The following CNIH3 variants were observed in gnomAD, a reference collection of about 807,000 sequenced individuals.
CNIH3 encodes protein cornichon homolog 3.
Under a neutral mutation model 24.1 loss-of-function variants are expected in CNIH3, and 14 were observed. The observed-to-expected ratio is 0.58, with a 90% CI of 0.38 to 0.91. The LOEUF is 0.91. Ranked by LOEUF, CNIH3 falls within the 40% of genes least tolerant of loss-of-function variation. The pLI, the probability that CNIH3 is intolerant of heterozygous loss-of-function variation, is 0.00. For synonymous variants in CNIH3, 68 were observed against 73.8 expected, an observed-to-expected ratio of 0.92 and a Z score of 0.40; for missense variants, 178 against 196.8, an observed-to-expected ratio of 0.90 and a Z score of 0.57.
chr1:224,694,783 T>C (rs906557543), intron 3 of CNIH3, among the ~76,000 whole-genome samples: 21 of 152,294 alleles, frequency 1.4e-4, no homozygotes, highest in Middle Eastern at 3.4e-3. Context: ...TAAAGGCCTT[T>C]GCGGCAACTT....
intron 1 of CNIH3, among the ~76,000 whole-genome samples, chr1:224,625,275 C>T (rs1011829240): frequency 1.8e-4 from 27 of 152,122 alleles, no homozygotes; most frequent in African/African-American, 6.3e-4. Flanking sequence ...TTTGTCCGGG[C>T]GTGGTGGCTC....
rs571615391 is a variant in CNIH3 at position 224,698,101 on chromosome 1, C to T, written c.198+13258C>T. Among the ~76,000 whole-genome samples the T allele has an allele frequency of 2.6e-5, 4 of 152,354 alleles. No homozygotes were observed. The East Asian group carries it at 7.7e-4, about 29-fold the overall frequency. ...GGTCCTCCTCCAGAACTGAGTTTCACTGGCTCTGATTTCTGAGCTGTCTGT... is the reference window on the plus strand; with the variant it reads ...GGTCCTCCTCCAGAACTGAGTTTCATTGGCTCTGATTTCTGAGCTGTCTGT... On this transcript the variant is annotated intron_variant, in intron 3 of 5. Transcript: ENST00000272133.
At chr1:224,609,351 A>G (rs1296158410) in intron 3 of CNIH3, among the ~76,000 whole-genome samples, 1 of 152,176 alleles carries the variant, frequency 6.6e-6, no homozygotes, top group African/African-American at 2.4e-5. Flanking sequence ...AAGAACCCCA[A>G]TTCTCAGGAC....
chr1:224,612,171 A>G (rs1682731435), upstream of CNIH3, among the ~76,000 whole-genome samples: 1 of 152,202 alleles, frequency 6.6e-6, no homozygotes, highest in Non-Finnish European at 1.5e-5. The surrounding 1 kb of genome is among the most constrained non-coding windows in gnomAD (Gnocchi z 4.7). Flanking sequence ...TCTCCCACTG[A>G]GCACAACTTA....
intron 3 of CNIH3, chr1:224,717,514 G>GGCTAGT (rs1211337303): frequency 6.6e-6 from 1 of 152,406 alleles, no homozygotes; most frequent in African/African-American, 2.4e-5. Context: ...TCCCAGCAAG[G>GGCTAGT]GCTAGTGTTG....
chr1:224,589,899 T>C (rs754400947), downstream of CNIH3, among the ~76,000 whole-genome samples: 1 of 152,140 alleles, frequency 6.6e-6, no homozygotes, highest in Non-Finnish European at 1.5e-5. Flanking sequence ...TTTTTTGAGA[T>C]GGAGTCTTGC....
chr1:224,633,461 T>C (rs1454977983), intron 1 of CNIH3, among the ~76,000 whole-genome samples: 1 of 152,192 alleles, frequency 6.6e-6, no homozygotes, highest in Non-Finnish European at 1.5e-5. Flanking sequence ...GCCTGGCAGT[T>C]AAGATTCTTA....
intron 2 of CNIH3, among the ~76,000 whole-genome samples, chr1:224,522,396 G>C (rs920264656): frequency 1.3e-5 from 2 of 152,188 alleles, no homozygotes; most frequent in Admixed American, 6.5e-5. Context: ...GAAGGAGCTG[G>C]AGTCTGATTT....
downstream of CNIH3, among the ~76,000 whole-genome samples, chr1:224,541,638 T>C (rs1028754358): frequency 6.6e-6 from 1 of 152,212 alleles, no homozygotes; most frequent in Non-Finnish European, 1.5e-5. Context: ...TCCCAAGCCA[T>C]GCTATTGCTT....
intron 1 of CNIH3, among the ~76,000 whole-genome samples, chr1:224,450,001 C>T (rs1219778013): frequency 6.6e-6 from 1 of 151,306 alleles, no homozygotes; most frequent in East Asian, 1.9e-4. Flanking sequence ...ACACATTATA[C>T]ACGCACACAC....
intron 3 of CNIH3, among the ~76,000 whole-genome samples, chr1:224,557,484 T>G (rs1437344068): frequency 1.4e-4 from 22 of 151,840 alleles, no homozygotes; most frequent in Admixed American, 1.4e-3. Flanking sequence ...CTTTTTATTT[T>G]AGACAGAGTC....
rs889653811 is a variant in CNIH3, at chr1:224,473,068, A to G, written n.203+38206A>G. 7.2e-5 allele frequency among the ~76,000 whole-genome samples: 11 copies of G among 152,312 alleles called. No individual in the cohort carries two copies. The East Asian group carries it at 2.1e-3, about 29-fold the overall frequency. ...TATTTCCTTTTACTGTGGATGATAG[A>G]GATAATTGAAGAAAAAGCCTTAGTT... On this transcript the variant is annotated intron_variant and non_coding_transcript_variant, in intron 1 of 5. Transcript: ENST00000471578.
intron 2 of CNIH3, among the ~76,000 whole-genome samples, chr1:224,546,474 G>A (rs948883809): frequency 3.9e-5 from 6 of 152,176 alleles, no homozygotes; most frequent in Non-Finnish European, 7.4e-5. Flanking sequence ...AGTCAACCTG[G>A]AGGGGGTAAT....
At chr1:224,523,850 G>A (rs577317060) in intron 2 of CNIH3, among the ~76,000 whole-genome samples, 16 of 152,182 alleles carry the variant, frequency 1.1e-4, no homozygotes, top group African/African-American at 3.1e-4. Flanking sequence ...CCCATTCCAG[G>A]CTGTAGTTTG....
intron 5 of CNIH3, chr1:224,586,991 T>A (rs1051937896): frequency 1.3e-5 from 2 of 151,914 alleles, no homozygotes; most frequent in African/African-American, 4.8e-5. Flanking sequence ...TTCAGAACAG[T>A]GGGAAGGAGA....
At chr1:224,667,498 G>A (rs904728373) in intron 1 of CNIH3, among the ~76,000 whole-genome samples, 4 of 152,182 alleles carry the variant, frequency 2.6e-5, no homozygotes, top group Non-Finnish European at 4.4e-5. Context: ...TTGAAAAATG[G>A]TCAGAGCATC....
intron 3 of CNIH3, among the ~76,000 whole-genome samples, chr1:224,557,713 T>C (rs2124977620): frequency 6.6e-6 from 1 of 152,322 alleles, no homozygotes; most frequent in Non-Finnish European, 1.5e-5. Context: ...TGCCTCGGCC[T>C]CCCAAAGTGC....
chr1:224,585,542 A>G (rs1681468534), intron 5 of CNIH3, among the ~76,000 whole-genome samples: 1 of 151,874 alleles, frequency 6.6e-6, no homozygotes, highest in Non-Finnish European at 1.5e-5. Context: ...GCAGTGATGA[A>G]ATCATGGGTC....
chr1:224,635,274 C>T (rs1445295596), intron 1 of CNIH3, among the ~76,000 whole-genome samples: 1 of 152,160 alleles, frequency 6.6e-6, no homozygotes, highest in Non-Finnish European at 1.5e-5. Flanking sequence ...ATCCAATCAC[C>T]TCCCACCAGG....
Sources: gnomAD v4.1 joint callset for allele counts (sites outside exome capture counted in the v4.1 genomes callset) on GRCh38, gnomAD v4.1.1 for gene constraint, Gnocchi (gnomAD v3.1) non-coding constraint, MANE v1.5 for transcripts, NCBI Gene and HGNC (gene_info 2026-07-23, HGNC 2026-07-21) for gene names.